MCTP1: variants seen among roughly 807,000 people sequenced by gnomAD.
MCTP1 encodes the protein multiple C2 and transmembrane domain containing 1, also known as multiple C2 and transmembrane domain-containing protein 1.
In MCTP1, 69 loss-of-function variants were observed where a neutral mutation model predicts 120.6. The observed-to-expected ratio is 0.57, with a 90% confidence interval of 0.47 to 0.70. The LOEUF (loss-of-function observed/expected upper bound fraction) is 0.70, where lower values mean the gene tolerates loss of function less well. Ranked by LOEUF, MCTP1 falls within the 30% of genes least tolerant of loss-of-function variation. The pLI is 0.00. For synonymous variants in MCTP1, 529 were observed against 493.1 expected (o/e 1.07, Z -0.96); for missense variants, 1,203 against 1,248.8 (o/e 0.96, Z 0.55).
chr5:95,248,490 CT>C (rs1757047907), intron 1 of MCTP1, among the ~76,000 whole-genome samples: 1 of 152,110 alleles, frequency 6.6e-6, no homozygotes, highest in South Asian at 2.1e-4. Flanking sequence ...TTAAGGAGAA[CT>C]ACAAACCACT....
chr5:95,009,821 T>C (rs56281733), intron 2 of MCTP1, among the ~76,000 whole-genome samples: 6,694 of 152,116 alleles, frequency 0.044, 281 homozygotes, highest in East Asian at 0.089. Context: ...GCAAAGACAA[T>C]AAAACTCAGA....
intron 1 of MCTP1, among the ~76,000 whole-genome samples, chr5:95,266,958 T>C (rs1391392379): frequency 3.9e-5 from 6 of 152,228 alleles, no homozygotes; most frequent in Non-Finnish European, 7.3e-5. Context: ...TTCCCTCCTA[T>C]AACATTGTAT....
chr5:94,954,346 T>A (rs1822020176), intron 2 of MCTP1, among the ~76,000 whole-genome samples: 1 of 151,286 alleles, frequency 6.6e-6, no homozygotes, highest in African/African-American at 2.4e-5. Context: ...AAGTGGGAGC[T>A]AAACAATTGG....
chr5:95,109,894 A>T (rs1390314831), intron 1 of MCTP1, among the ~76,000 whole-genome samples: 1 of 151,404 alleles, frequency 6.6e-6, no homozygotes, highest in Non-Finnish European at 1.5e-5. Context: ...GATATGCAAA[A>T]CTTTTTTTTA....
intron 1 of MCTP1, among the ~76,000 whole-genome samples, chr5:95,121,858 C>T (rs1321085396): frequency 1.2e-4 from 17 of 144,960 alleles, no homozygotes; most frequent in Non-Finnish European, 2.4e-4. Flanking sequence ...TCATTTTTGA[C>T]TAAAGTGCCA....
chr5:94,754,274 T>A (rs1769209716), intron 19 of MCTP1, among the ~76,000 whole-genome samples: 1 of 152,208 alleles, frequency 6.6e-6, no homozygotes, highest in South Asian at 2.1e-4. Context: ...TGGAGTGGAA[T>A]GTCTGTGAAG....
At chr5:95,201,347 T>C (rs1055447703) in intron 1 of MCTP1, among the ~76,000 whole-genome samples, 1 of 152,108 alleles carries the variant, frequency 6.6e-6, no homozygotes, top group Admixed American at 6.6e-5. Context: ...CACATTAAAG[T>C]TTGAAAAGCA....
chr5:95,071,965 T>C (rs1476019081), intron 1 of MCTP1, among the ~76,000 whole-genome samples: 1 of 152,208 alleles, frequency 6.6e-6, no homozygotes, highest in Admixed American at 6.5e-5. Context: ...AGAGGAATTT[T>C]AATAGATCCA....
chr5:95,175,125 T>C (rs975681943), intron 1 of MCTP1, among the ~76,000 whole-genome samples: 3 of 152,214 alleles, frequency 2.0e-5, no homozygotes, highest in Admixed American at 6.5e-5. Context: ...TAAACTTATA[T>C]TGCACTTTTA....
intron 1 of MCTP1, among the ~76,000 whole-genome samples, chr5:95,060,599 G>A (rs566989828): frequency 6.6e-6 from 1 of 152,076 alleles, no homozygotes; most frequent in African/African-American, 2.4e-5. Flanking sequence ...AATTATCATC[G>A]TCTGTTGCTA....
intron 17 of MCTP1, among the ~76,000 whole-genome samples, chr5:94,815,878 G>C (rs1038606781): frequency 6.6e-6 from 1 of 152,080 alleles, no homozygotes; most frequent in Non-Finnish European, 1.5e-5. Flanking sequence ...GGCAATATGC[G>C]ACCTAAAAGC....
chr5:95,283,806 G>A, intron 1 of MCTP1, 50 bp downstream of exon 1: 2 of 1,309,282 alleles, frequency 1.5e-6, no homozygotes, highest in South Asian at 2.2e-5. Flanking sequence ...GCCTGAAGAG[G>A]GAGGCGTGGT....
At chr5:94,967,015 C>T (rs936836196) in intron 2 of MCTP1, among the ~76,000 whole-genome samples, 5 of 152,192 alleles carry the variant, frequency 3.3e-5, no homozygotes, top group African/African-American at 9.7e-5. Context: ...TTGGGTTTCT[C>T]TGCAGTTATT....
intron 19 of MCTP1, among the ~76,000 whole-genome samples, chr5:94,765,851 T>A (rs1772555777): frequency 2.7e-5 from 4 of 148,530 alleles, no homozygotes; most frequent in Admixed American, 1.3e-4. Flanking sequence ...AAGACTCAAA[T>A]AAATAAATCA....
At chr5:94,909,198 T>C (rs1248463844) in intron 10 of MCTP1, 53 bp downstream of exon 10, 1 of 1,577,604 alleles carries the variant, frequency 6.3e-7, no homozygotes, top group East Asian at 2.3e-5. Context: ...CAGCAAATAT[T>C]CTTTTAATAA....
chr5:95,123,018 T>C (rs79587254), intron 1 of MCTP1, among the ~76,000 whole-genome samples: 1,993 of 152,286 alleles, frequency 0.013, 27 homozygotes, highest in South Asian at 0.074. Flanking sequence ...AGATGGTTAA[T>C]GGGTTCAAAA....
rs949056190 is a variant in MCTP1, at chr5:94,919,455, C to T, written c.1273-1482G>A. Among the ~76,000 whole-genome samples, 11 of 152,098 alleles carry T rather than the reference C, an allele frequency of 7.2e-5. No homozygotes were observed. The East Asian group carries it at 1.9e-3, about 27-fold the overall frequency. ...AACCAATCCCCTTCCCTGATAAGTA[C>T]AAATAATCCTTGGCTTTTGTTATCC... On this transcript the variant is annotated intron_variant, in intron 7 of 22. Coordinates refer to ENST00000515393, the MANE Select transcript of MCTP1 (RefSeq NM_024717.7).
chr5:94,708,826 G>A, intron 21 of MCTP1: 1 of 423,722 alleles, frequency 2.4e-6, no homozygotes, highest in Non-Finnish European at 4.3e-6. Context: ...CTTTCTATGT[G>A]GGAAATAAAG....
At chr5:94,729,283 T>C (rs1561537736) in intron 19 of MCTP1, among the ~76,000 whole-genome samples, 1 of 152,126 alleles carries the variant, frequency 6.6e-6, no homozygotes. Context: ...CAGAGGGACG[T>C]TACTGAAGCC....
Sources: allele counts gnomAD v4.1 joint callset (sites outside exome capture counted in the v4.1 genomes callset), GRCh38; gene constraint gnomAD v4.1.1; transcripts MANE v1.5; gene names NCBI Gene and HGNC (gene_info 2026-07-23, HGNC 2026-07-21).